SPRED1: variants seen among roughly 807,000 people sequenced by gnomAD.
SPRED1 encodes the protein sprouty-related, EVH1 domain-containing protein 1.
SPRED1 carries 18 observed loss-of-function variants against 52.3 expected under a neutral mutation model. That is an observed-to-expected ratio of 0.34 (90% CI 0.24 to 0.51). The LOEUF (loss-of-function observed/expected upper bound fraction) is 0.51, where lower values mean the gene tolerates loss of function less well. Among genes scored for constraint, SPRED1 ranks in the 20% least tolerant of loss-of-function variants. The probability of loss-of-function intolerance (pLI) is 0.97; values close to 1 mark genes in which losing one functional copy is unlikely to be tolerated. For synonymous variants in SPRED1, 155 were observed against 179.7 expected, an observed-to-expected ratio of 0.86 and a Z score of 1.10; for missense variants, 485 against 551.0, an observed-to-expected ratio of 0.88 and a Z score of 1.20.
At chr15:38,316,378 G>C (rs1206389697) in intron 2 of SPRED1, among the ~76,000 whole-genome samples, 2 of 151,886 alleles carry the variant, frequency 1.3e-5, no homozygotes, top group Non-Finnish European at 2.9e-5. Context: ...GATTTTAAAA[G>C]TTATTTTTGT....
chr15:38,347,663 A>C (rs529082429), intron 5 of SPRED1, among the ~76,000 whole-genome samples: 21 of 151,984 alleles, frequency 1.4e-4, no homozygotes, highest in Non-Finnish European at 3.1e-4. Flanking sequence ...CTGTATCTTT[A>C]CATAAAACTT....
Position 38,351,908 on chromosome 15 carries a change from G to A in SPRED1, c.*244G>A. On this transcript the variant is annotated 3_prime_UTR_variant, in exon 7 of 7. Transcript: ENST00000299084. ...GAAGGAAACCATTTCTGGTTATTTG[G>A]CTATAAAAAGTCAGCATAAAATATG... 1 of 577,670 alleles carries A rather than the reference G, an allele frequency of 1.7e-6. No individual in the cohort carries two copies. The highest frequency in any genetic ancestry group is 2.1e-5 in the South Asian group (1 of 48,006). 35.8% of individuals were successfully genotyped at this position (577,670 alleles called of 1,614,324 possible).
At chr15:38,261,630 G>A (rs559424210) in intron 1 of SPRED1, among the ~76,000 whole-genome samples, 16 of 152,234 alleles carry the variant, frequency 1.1e-4, no homozygotes, top group African/African-American at 3.9e-4. Context: ...CTGGAGTGCA[G>A]TGGCGCCATC....
chr15:38,334,940 G>T (rs1203536262), intron 4 of SPRED1, among the ~76,000 whole-genome samples: 1 of 150,960 alleles, frequency 6.6e-6, no homozygotes, highest in Non-Finnish European at 1.5e-5. Context: ...CACCAACAGC[G>T]CAAAAAAGTA....
At chr15:38,280,904 A>T (rs528313533) in intron 1 of SPRED1, among the ~76,000 whole-genome samples, 1 of 152,346 alleles carries the variant, frequency 6.6e-6, no homozygotes, top group Admixed American at 6.5e-5. Flanking sequence ...AAACATCCAT[A>T]TCTCAAAGGT....
chr15:38,274,352 G>A (rs1050409937), intron 1 of SPRED1, among the ~76,000 whole-genome samples: 7 of 152,118 alleles, frequency 4.6e-5, no homozygotes, highest in African/African-American at 1.2e-4. Flanking sequence ...CACCAGAGTC[G>A]GAAATGATAA....
chr15:38,288,260 G>A (rs915716360), intron 1 of SPRED1, among the ~76,000 whole-genome samples: 8 of 152,098 alleles, frequency 5.3e-5, no homozygotes, highest in African/African-American at 1.7e-4. Flanking sequence ...CTTCAGGCTT[G>A]TTTACAACTA....
rs1346598596 is a variant in SPRED1, at chr15:38,322,343, C to G, written c.310C>G (p.Gln104Glu). 1.2e-6 allele frequency: 2 copies of G among 1,613,754 alleles called. No homozygotes were observed. Among genetic ancestry groups the G allele is most frequent in the African/African-American group, 2.7e-5 (2 of 74,884 alleles). ...IDDKKFGLTF[Q>E]SPADARAFDR... ...TGACAAGAAGTTTGGTCTTACGTTT[C>G]AAAGTCCTGCTGATGCTAGGGCTTT... is the stretch of plus-strand genomic sequence containing the variant. The change falls in exon 3 of 7, where the codon CAA (glutamine) becomes GAA (glutamate). Residue 104 changes from glutamine to glutamate, a missense_variant. Physicochemically the swap from Gln to Glu is conservative, Grantham distance 29 (BLOSUM62 2). Around this residue, in one of 5 missense-constraint regions of SPRED1, gnomAD observed 232 missense variants for 231.8 expected, o/e 1.00. Coordinates refer to ENST00000299084, the MANE Select transcript of SPRED1 (RefSeq NM_152594.3).
chr15:38,336,424 A>ATGTGTGTG (rs1178951657), intron 4 of SPRED1, among the ~76,000 whole-genome samples: 26 of 29,546 alleles, frequency 8.8e-4, no homozygotes, highest in East Asian at 5.0e-3. Flanking sequence ...ATGTGTGTGT[A>ATGTGTGTG]TATATATATA....
intron 1 of SPRED1, among the ~76,000 whole-genome samples, chr15:38,256,292 A>G (rs1190992522): frequency 6.6e-6 from 1 of 152,162 alleles, no homozygotes; most frequent in Non-Finnish European, 1.5e-5. Flanking sequence ...TAATTTGCAC[A>G]GAGACTGTTT....
chr15:38,335,977 AC>A (rs1455028637), intron 4 of SPRED1, among the ~76,000 whole-genome samples: 1 of 152,154 alleles, frequency 6.6e-6, no homozygotes, highest in East Asian at 1.9e-4. Context: ...AAGCAGGCTT[AC>A]AAAATTGGAA....
chr15:38,324,559 C>G (rs551043433), intron 3 of SPRED1, among the ~76,000 whole-genome samples: 207 of 152,184 alleles, frequency 1.4e-3, no homozygotes, highest in Non-Finnish European at 2.3e-3. Flanking sequence ...TGGAAATTTA[C>G]CTATAGAGGA....
Position 38,266,837 on chromosome 15 carries a change from GAA to G in SPRED1, c.32+13631_32+13632del, listed in dbSNP as rs10711288. Among the ~76,000 whole-genome samples the G allele has an allele frequency of 8.6e-4, 130 of 150,374 alleles. 1 individual carries two copies. The highest frequency in any genetic ancestry group is 3.5e-3 in the East Asian group (18 of 5,140). ...ACTGAGCTTCTAAGTGAGCCAAAAAGAAAAAAAAAAAATTATTGGATGTTGTA... is the reference window on the plus strand; with the variant it reads ...ACTGAGCTTCTAAGTGAGCCAAAAAGAAAAAAAAAATTATTGGATGTTGTA... On this transcript the variant is annotated intron_variant, in intron 1 of 6. Coordinates refer to ENST00000299084, the MANE Select transcript of SPRED1 (RefSeq NM_152594.3).
At chr15:38,304,295 A>G (rs1030923591) in intron 2 of SPRED1, among the ~76,000 whole-genome samples, 4 of 152,182 alleles carry the variant, frequency 2.6e-5, no homozygotes, top group Non-Finnish European at 5.9e-5. Flanking sequence ...CCTCTGAATT[A>G]TTCCTTTGTG....
At chr15:38,300,511 G>C (rs1895130186) in intron 2 of SPRED1, among the ~76,000 whole-genome samples, 1 of 152,012 alleles carries the variant, frequency 6.6e-6, no homozygotes, top group African/African-American at 2.4e-5. Flanking sequence ...CAGTTTGGGG[G>C]CTTGGTTTCT....
chr15:38,338,822 T>A (rs533276376), intron 4 of SPRED1, among the ~76,000 whole-genome samples: 2 of 152,270 alleles, frequency 1.3e-5, no homozygotes, highest in South Asian at 4.1e-4. Context: ...AAATTTAAAA[T>A]ATCTTAGTCA....
chr15:38,333,541 A>C (rs1277336279), intron 4 of SPRED1, among the ~76,000 whole-genome samples: 1 of 152,186 alleles, frequency 6.6e-6, no homozygotes, highest in Admixed American at 6.5e-5. Flanking sequence ...GAAAGCCACT[A>C]TATAATTTTT....
At chr15:38,325,873 C>T (rs1433569694) in intron 4 of SPRED1, 2 of 151,942 alleles carry the variant, frequency 1.3e-5, no homozygotes, top group South Asian at 2.1e-4. Context: ...AATTCCTGGT[C>T]AACAGGAATT....
intron 1 of SPRED1, among the ~76,000 whole-genome samples, chr15:38,285,054 T>A (rs1045648907): frequency 1.3e-5 from 2 of 152,090 alleles, no homozygotes; most frequent in Non-Finnish European, 2.9e-5. Flanking sequence ...CTATTTTTTT[T>A]AAATATATTT....
Sources: allele counts gnomAD v4.1 joint callset (sites outside exome capture counted in the v4.1 genomes callset), GRCh38; gene constraint gnomAD v4.1.1; regional missense constraint gnomAD v4.1.1; transcripts MANE v1.5; gene names NCBI Gene and HGNC (gene_info 2026-07-23, HGNC 2026-07-21).